DYNLT5: variants seen among roughly 807,000 people sequenced by gnomAD.
DYNLT5 encodes the protein dynein light chain Tctex-type 5.
Under a neutral mutation model 19.3 loss-of-function variants are expected in DYNLT5, and 25 were observed. That is an observed-to-expected ratio of 1.30 (90% CI 0.95 to 1.81). The LOEUF (loss-of-function observed/expected upper bound fraction) is 1.81, where lower values mean the gene tolerates loss of function less well. Among genes scored for constraint, DYNLT5 ranks in the 40% most tolerant of loss-of-function variants. The probability of loss-of-function intolerance (pLI) is 0.00; values close to 1 mark genes in which losing one functional copy is unlikely to be tolerated. For missense variants in DYNLT5, 232 were observed against 217.9 expected (o/e 1.06, Z -0.41); for synonymous variants, 82 against 68.9 (o/e 1.19, Z -0.94).
Position 66,777,733 on chromosome 1 carries a change from T to C in DYNLT5, c.*279T>C, listed in dbSNP as rs1480446004. 1 of 237,284 alleles carries C rather than the reference T, an allele frequency of 4.2e-6. No individual in the cohort carries two copies. Among genetic ancestry groups the C allele is most frequent in the Non-Finnish European group, 8.2e-6 (1 of 122,044 alleles). 14.7% of individuals were successfully genotyped at this position (237,284 alleles called of 1,614,324 possible). A position where few individuals can be genotyped will look rare whatever the true frequency, so the allele number is the denominator to read the frequency against. On this transcript the variant is annotated 3_prime_UTR_variant, in exon 5 of 5. Coordinates refer to ENST00000282670, the MANE Select transcript of DYNLT5 (RefSeq NM_152665.3). ...TATTAAATATTTGTTTTGGTACTAA[T>C]TATTTTAATTATTCTTTAATTAGAG...
intron 1 of DYNLT5, among the ~76,000 whole-genome samples, chr1:66,753,865 G>A (rs552898951): frequency 7.7e-4 from 117 of 152,224 alleles, no homozygotes; most frequent in African/African-American, 2.5e-3. Flanking sequence ...TGGGTGGACC[G>A]CTTGAGCCCA....
intron 2 of DYNLT5, among the ~76,000 whole-genome samples, chr1:66,764,198 A>G (rs2094650603): frequency 6.6e-6 from 1 of 152,154 alleles, no homozygotes; most frequent in African/African-American, 2.4e-5. Flanking sequence ...AAAAAAAAAC[A>G]AAAACAAACA....
At chr1:66,759,379 G>T (rs2094641835) in intron 2 of DYNLT5, among the ~76,000 whole-genome samples, 1 of 152,106 alleles carries the variant, frequency 6.6e-6, no homozygotes, top group Non-Finnish European at 1.5e-5. Context: ...TCTGAAAGAA[G>T]ATCCCAAAAT....
chr1:66,768,092 T>A (rs1361050377), intron 2 of DYNLT5, among the ~76,000 whole-genome samples: 1 of 152,228 alleles, frequency 6.6e-6, no homozygotes, highest in Non-Finnish European at 1.5e-5. Flanking sequence ...AATAGTAGAA[T>A]ATTGGAAATA....
chr1:66,776,434 A>C, intron 4 of DYNLT5, 31 bp downstream of exon 4: 1 of 1,563,660 alleles, frequency 6.4e-7, no homozygotes, highest in Non-Finnish European at 8.7e-7. Context: ...AAGTGTTAAC[A>C]ATAGCTAGAA....
chr1:66,777,914 T>C lies in DYNLT5; in HGVS notation c.*460T>C, dbSNP rs561434398. On this transcript the variant is annotated 3_prime_UTR_variant, in exon 5 of 5. Transcript: ENST00000282670. ...GCTGCATATAAAAGAATACTGGTTT[T>C]CATTTTGTACTTAATAAATTGAGCA... 6.5e-6 allele frequency: 1 copy of C among 153,404 alleles called. No homozygotes were observed. The highest frequency in any genetic ancestry group is 2.4e-5 in the African/African-American group (1 of 41,596). The allele number at this position is 153,404 out of a possible 1,614,324, so 9.5% of individuals were successfully genotyped here.
intron 1 of DYNLT5, among the ~76,000 whole-genome samples, chr1:66,753,272 A>G (rs2094630454): frequency 6.6e-6 from 1 of 152,196 alleles, no homozygotes; most frequent in South Asian, 2.1e-4. Flanking sequence ...CAGCTCCTTG[A>G]AGGCATGGAT....
At position 66,778,319 on chromosome 1, in the gene DYNLT5, G is replaced by A. The variant is rs1008911911; in HGVS notation, c.*865G>A. ...CACCTTAACAAATAAAGCATGTGTA[G>A]TTACCATTTTACTCCTATGAATTTA... On this transcript the variant is annotated 3_prime_UTR_variant, in exon 5 of 5. Transcript: ENST00000282670. 2 of 152,648 alleles carry A rather than the reference G, an allele frequency of 1.3e-5. No individual in the cohort carries two copies. Among genetic ancestry groups the A allele is most frequent in the African/African-American group, 4.8e-5 (2 of 41,454 alleles). 9.5% of individuals were successfully genotyped at this position (152,648 alleles called of 1,614,324 possible).
intron 2 of DYNLT5, among the ~76,000 whole-genome samples, 175 bp downstream of exon 2, chr1:66,754,952 A>C (rs367626858): frequency 1.3e-5 from 2 of 152,214 alleles, no homozygotes; most frequent in East Asian, 3.8e-4. Flanking sequence ...AGAAAGCTTA[A>C]GTGATAAGTT....
chr1:66,771,182 A>C (rs1405028760), intron 3 of DYNLT5, among the ~76,000 whole-genome samples: 8 of 152,128 alleles, frequency 5.3e-5, no homozygotes, highest in Admixed American at 4.6e-4. Flanking sequence ...AAAATTATAG[A>C]CCATCAGCCT....
chr1:66,766,004 A>G (rs1416282130), intron 2 of DYNLT5, among the ~76,000 whole-genome samples: 2 of 152,178 alleles, frequency 1.3e-5, no homozygotes, highest in East Asian at 3.8e-4. Flanking sequence ...TTGAATTACA[A>G]GTTGTTACTC....
chr1:66,755,849 G>C (rs750968152), intron 2 of DYNLT5: 22 of 152,178 alleles, frequency 1.4e-4, no homozygotes, highest in African/African-American at 4.1e-4. Context: ...TAAGTGCAAG[G>C]GTTATTTTTT....
intron 3 of DYNLT5, chr1:66,775,262 A>G (rs1645227728): frequency 6.6e-6 from 1 of 152,230 alleles, no homozygotes; most frequent in South Asian, 2.1e-4. Flanking sequence ...CTCAATGTAT[A>G]TAAATCTCTG....
intron 2 of DYNLT5, among the ~76,000 whole-genome samples, chr1:66,757,918 T>G (rs1232360725): frequency 6.6e-6 from 1 of 152,232 alleles, no homozygotes; most frequent in Admixed American, 6.5e-5. Flanking sequence ...ACTTTCGCAC[T>G]GTAACAGCAG....
At chr1:66,776,049 G>A (rs974649590) in intron 3 of DYNLT5, 11 of 390,248 alleles carry the variant, frequency 2.8e-5, no homozygotes, top group Middle Eastern at 7.2e-4. Context: ...AACCCCAGCA[G>A]TATTGAACAC....
intron 3 of DYNLT5, among the ~76,000 whole-genome samples, chr1:66,772,174 T>C (rs1645208036): frequency 6.6e-6 from 1 of 152,200 alleles, no homozygotes; most frequent in South Asian, 2.1e-4. Context: ...CCTGAGACTG[T>C]AATTTATAAA....
intron 2 of DYNLT5, among the ~76,000 whole-genome samples, chr1:66,765,069 A>T (rs1288256026): frequency 1.3e-5 from 2 of 152,178 alleles, no homozygotes; most frequent in African/African-American, 2.4e-5. Context: ...TGTGCCTGAC[A>T]TGTTGTGGGC....
chr1:66,771,323 CA>C (rs1213693849), intron 3 of DYNLT5, among the ~76,000 whole-genome samples: 2 of 152,210 alleles, frequency 1.3e-5, no homozygotes, highest in Non-Finnish European at 2.9e-5. Flanking sequence ...TCCTGCCATC[CA>C]ATATACTTTT....
intron 3 of DYNLT5, among the ~76,000 whole-genome samples, chr1:66,772,499 T>A (rs12063724): frequency 0.12 from 18,227 of 152,282 alleles, 1,167 homozygotes; most frequent in South Asian, 0.16. Context: ...ACACTGGGGA[T>A]CACATTTCAA....
Sources: gnomAD v4.1 joint callset for allele counts (sites outside exome capture counted in the v4.1 genomes callset) on GRCh38, gnomAD v4.1.1 for gene constraint, MANE v1.5 for transcripts, NCBI Gene and HGNC (gene_info 2026-07-23, HGNC 2026-07-21) for gene names.